The following CDK14 variants were observed in gnomAD, a reference collection of about 807,000 sequenced individuals.
CDK14 encodes cyclin-dependent kinase 14.
CDK14 carries 34 observed loss-of-function variants against 60.7 expected under a neutral mutation model. That is an observed-to-expected ratio of 0.56 (90% CI 0.43 to 0.75). CDK14 has a LOEUF of 0.75. Among genes scored for constraint, CDK14 ranks in the 30% least tolerant of loss-of-function variants. The probability of loss-of-function intolerance (pLI) is 0.00; values close to 1 mark genes in which losing one functional copy is unlikely to be tolerated. For missense variants in CDK14, 482 were observed against 564.1 expected, an observed-to-expected ratio of 0.85 and a Z score of 1.47; for synonymous variants, 197 against 203.7, an observed-to-expected ratio of 0.97 and a Z score of 0.28.
intron 2 of CDK14, among the ~76,000 whole-genome samples, chr7:90,654,880 C>T (rs540301018): frequency 4.6e-5 from 7 of 152,054 alleles, no homozygotes; most frequent in African/African-American, 1.4e-4. Flanking sequence ...TGTGTTGTGC[C>T]GTTCTCTGGG....
At chr7:90,824,753 G>T (rs752421600) in intron 5 of CDK14, 3 of 152,140 alleles carry the variant, frequency 2.0e-5, no homozygotes, top group Non-Finnish European at 4.4e-5. Flanking sequence ...TTATGAAATT[G>T]TCAAGTGCAA....
chr7:90,967,947 A>G (rs1794806613), intron 9 of CDK14, among the ~76,000 whole-genome samples: 1 of 152,314 alleles, frequency 6.6e-6, no homozygotes, highest in African/African-American at 2.4e-5. Flanking sequence ...AATAGTTACT[A>G]AAGATGCCTA....
intron 14 of CDK14, among the ~76,000 whole-genome samples, chr7:91,175,154 A>C (rs1801683533): frequency 6.6e-6 from 1 of 151,180 alleles, no homozygotes. Flanking sequence ...GCCAATATTC[A>C]ACATTCTTAA....
rs201613786 is a variant in CDK14, at chr7:91,158,931, AG to A, written c.*28+40725del. Among the ~76,000 whole-genome samples the A allele has an allele frequency of 7.0e-3, 1,059 of 152,346 alleles. 15 individuals are homozygous for A. The highest frequency in any genetic ancestry group is 0.023 in the African/African-American group (970 of 41,580). Reference sequence around the variant, plus strand: ...ATTTCAATAATGTGCTTTTACCAGAAGGAAAAACAACTTTTAATATCTGTGA... The same window carrying A: ...ATTTCAATAATGTGCTTTTACCAGAAGAAAAACAACTTTTAATATCTGTGA... On this transcript the variant is annotated intron_variant, in intron 14 of 14. Coordinates refer to ENST00000380050, the MANE Select transcript of CDK14 (RefSeq NM_001287135.2).
At chr7:91,080,703 C>G (rs941981263) in intron 12 of CDK14, among the ~76,000 whole-genome samples, 3 of 152,204 alleles carry the variant, frequency 2.0e-5, no homozygotes, top group African/African-American at 7.2e-5. Flanking sequence ...ACATTCCTCT[C>G]ATAGGAATAA....
chr7:90,759,726 G>A (rs575146292), intron 4 of CDK14, among the ~76,000 whole-genome samples: 2 of 152,232 alleles, frequency 1.3e-5, no homozygotes, highest in East Asian at 3.9e-4. Flanking sequence ...CTGAATCTAG[G>A]GGGTATGTGA....
At chr7:90,928,836 G>C (rs896224937) in intron 8 of CDK14, among the ~76,000 whole-genome samples, 1 of 152,204 alleles carries the variant, frequency 6.6e-6, no homozygotes, top group Admixed American at 6.5e-5. Context: ...GTGTACAGAG[G>C]CAGGCAGGCT....
At chr7:91,130,437 T>A (rs368043217) in intron 14 of CDK14, among the ~76,000 whole-genome samples, 1 of 152,072 alleles carries the variant, frequency 6.6e-6, no homozygotes, top group African/African-American at 2.4e-5. Flanking sequence ...TCTTAGGGGG[T>A]TCCTTTTAAC....
intron 8 of CDK14, among the ~76,000 whole-genome samples, chr7:90,923,169 C>T (rs1179998231): frequency 1.4e-5 from 2 of 142,424 alleles, no homozygotes; most frequent in Non-Finnish European, 1.5e-5. Flanking sequence ...AGTGTAGTGG[C>T]GCCAATCTCG....
intron 8 of CDK14, among the ~76,000 whole-genome samples, chr7:90,927,818 G>T (rs1234310755): frequency 6.6e-6 from 1 of 152,118 alleles, no homozygotes; most frequent in Non-Finnish European, 1.5e-5. Flanking sequence ...TTTCCAACTT[G>T]GTTCCATTCC....
At chr7:91,174,862 A>G (rs1190789704) in intron 14 of CDK14, among the ~76,000 whole-genome samples, 1 of 111,962 alleles carries the variant, frequency 8.9e-6, no homozygotes, top group African/African-American at 4.0e-5. Flanking sequence ...TGGAGAATGG[A>G]ACCAAGTTGG....
intron 12 of CDK14, among the ~76,000 whole-genome samples, chr7:91,109,871 G>T (rs1351801943): frequency 6.6e-6 from 1 of 152,034 alleles, no homozygotes; most frequent in African/African-American, 2.4e-5. Context: ...AGAGTGTCAT[G>T]ACATAAGGAT....
intron 6 of CDK14, among the ~76,000 whole-genome samples, chr7:90,865,849 G>C (rs994794083): frequency 6.6e-6 from 1 of 152,118 alleles, no homozygotes; most frequent in Non-Finnish European, 1.5e-5. Context: ...CTAAAGGTTA[G>C]GGAGATGAAG....
At chr7:91,200,739 T>C (rs1489304102) in intron 14 of CDK14, among the ~76,000 whole-genome samples, 3 of 152,218 alleles carry the variant, frequency 2.0e-5, no homozygotes, top group Admixed American at 1.3e-4. Flanking sequence ...AAGGCCCATT[T>C]TGAATGCTAG....
At chr7:90,978,219 G>A (rs999303126) in intron 9 of CDK14, among the ~76,000 whole-genome samples, 3 of 152,168 alleles carry the variant, frequency 2.0e-5, no homozygotes, top group South Asian at 4.1e-4. Flanking sequence ...GAAATCTAAT[G>A]TGGATACAGA....
At chr7:90,768,670 T>C (rs1804664043) in intron 4 of CDK14, among the ~76,000 whole-genome samples, 1 of 152,236 alleles carries the variant, frequency 6.6e-6, no homozygotes, top group Non-Finnish European at 1.5e-5. Flanking sequence ...GTGATTTTTA[T>C]AGTATACCGA....
At chr7:91,173,548 G>T (rs803179) in intron 14 of CDK14, among the ~76,000 whole-genome samples, 1 of 151,878 alleles carries the variant, frequency 6.6e-6, no homozygotes, top group Non-Finnish European at 1.5e-5. Flanking sequence ...GAGGTACCGG[G>T]TTCATCTCAC....
At chr7:91,091,758 GAAGGAAGT>G (rs200263275) in intron 12 of CDK14, among the ~76,000 whole-genome samples, 36,483 of 97,058 alleles carry the variant, frequency 0.38, 5,553 homozygotes, top group East Asian at 0.67. Flanking sequence ...AGGAAGGAAG[GAAGGAAGT>G]AAGTTATTTT....
intron 5 of CDK14, among the ~76,000 whole-genome samples, chr7:90,792,121 C>G (rs1030578632): frequency 6.6e-6 from 1 of 151,220 alleles, no homozygotes; most frequent in Non-Finnish European, 1.5e-5. Context: ...AGGCTGGTCT[C>G]GAACTCTTGA....
Sources: allele counts gnomAD v4.1 joint callset (sites outside exome capture counted in the v4.1 genomes callset), GRCh38; gene constraint gnomAD v4.1.1; transcripts MANE v1.5; gene names NCBI Gene and HGNC (gene_info 2026-07-23, HGNC 2026-07-21).